The following MALT1 variants were observed in gnomAD, a reference collection of about 807,000 sequenced individuals.
MALT1 encodes the protein MALT1 paracaspase.
Under a neutral mutation model 85.5 loss-of-function variants are expected in MALT1, and 36 were observed. That is an observed-to-expected ratio of 0.42 (90% CI 0.32 to 0.56). The LOEUF (loss-of-function observed/expected upper bound fraction) is 0.56, where lower values mean the gene tolerates loss of function less well. Among genes scored for constraint, MALT1 ranks in the 20% least tolerant of loss-of-function variants. The pLI is 0.10. For synonymous variants in MALT1, 359 were observed against 361.3 expected (o/e 0.99, Z 0.07); for missense variants, 716 against 981.6 (o/e 0.73, Z 3.62).
intron 11 of MALT1, 84 bp downstream of exon 11, chr18:58,733,658 G>A: frequency 9.0e-7 from 1 of 1,113,964 alleles, no homozygotes; most frequent in Non-Finnish European, 1.3e-6. Flanking sequence ...AATGCTAAAA[G>A]CCATTTGCGT....
At chr18:58,739,896 A>G (rs62093489) in intron 13 of MALT1, among the ~76,000 whole-genome samples, 15,555 of 152,278 alleles carry the variant, frequency 0.1, 1,049 homozygotes, top group Admixed American at 0.16. Context: ...ATACAGAAGA[A>G]GTACACCCTG....
At chr18:58,735,926 C>T (rs2055215700) in intron 13 of MALT1, among the ~76,000 whole-genome samples, 1 of 152,102 alleles carries the variant, frequency 6.6e-6, no homozygotes, top group African/African-American at 2.4e-5. Flanking sequence ...AGATGCTGAA[C>T]AAGTACCTAT....
rs549165582 is a variant in MALT1, at chr18:58,723,266, A to C, written c.1222+15A>C. On this transcript the variant is annotated intron_variant, in intron 10 of 16. Transcript: ENST00000649217. ...GGGAGTATATGGTAAGATATTTATAATGTTTGTTTTTACAATTATCCATTA... is the reference window on the plus strand; with the variant it reads ...GGGAGTATATGGTAAGATATTTATACTGTTTGTTTTTACAATTATCCATTA... 7 of 1,574,768 alleles carry C rather than the reference A, an allele frequency of 4.4e-6. No individual in the cohort carries two copies. The African/African-American group carries it at 9.4e-5, about 21-fold the overall frequency.
intron 8 of MALT1, among the ~76,000 whole-genome samples, chr18:58,714,706 C>T (rs1643590148): frequency 6.6e-6 from 1 of 152,084 alleles, no homozygotes; most frequent in South Asian, 2.1e-4. Flanking sequence ...TAAGCCTTCA[C>T]CTGAGATAAA....
chr18:58,731,783 TGAA>T (rs2144454253), intron 10 of MALT1, among the ~76,000 whole-genome samples: 1 of 152,314 alleles, frequency 6.6e-6, no homozygotes, highest in African/African-American at 2.4e-5. Context: ...GTGAATCGTG[TGAA>T]TTCATGTATG....
chr18:58,729,785 C>T (rs1283223867), intron 10 of MALT1, among the ~76,000 whole-genome samples: 1 of 152,212 alleles, frequency 6.6e-6, no homozygotes, highest in African/African-American at 2.4e-5. Flanking sequence ...CAGATAAGAG[C>T]TACTCAGAGT....
chr18:58,671,627 G>C lies in MALT1; in HGVS notation c.-17G>C, dbSNP rs2054161549. On this transcript the variant is annotated 5_prime_UTR_variant, in exon 1 of 17. Transcript: ENST00000649217. ...GCGGGCGGGAGCCCCGGCAGTCCGG[G>C]GTCGCCGGCGAGGGCCATGTCGCTG... The C allele has an allele frequency of 2.5e-6, 3 of 1,212,030 alleles. No homozygotes were observed. Among genetic ancestry groups the C allele is most frequent in the African/African-American group, 3.1e-5 (2 of 63,512 alleles). The allele number at this position is 1,212,030 out of a possible 1,614,324, so 75.1% of individuals were successfully genotyped here.
chr18:58,710,482 T>G (rs1338762081), intron 6 of MALT1, among the ~76,000 whole-genome samples: 1 of 152,098 alleles, frequency 6.6e-6, no homozygotes, highest in Non-Finnish European at 1.5e-5. Context: ...CCCAGGAGTT[T>G]GAGACCAGCC....
intron 4 of MALT1, among the ~76,000 whole-genome samples, chr18:58,704,342 T>C (rs887150987): frequency 1.5e-4 from 23 of 152,272 alleles, no homozygotes; most frequent in African/African-American, 5.5e-4. Context: ...ACATTGGTTG[T>C]TAGCTCTTAT....
intron 3 of MALT1, among the ~76,000 whole-genome samples, chr18:58,696,823 A>C (rs2054597503): frequency 6.6e-6 from 1 of 152,186 alleles, no homozygotes; most frequent in Admixed American, 6.5e-5. Flanking sequence ...TCCAACCAAA[A>C]TCTTTAAAAG....
chr18:58,696,523 G>A, intron 3 of MALT1, 36 bp downstream of exon 3: 1 of 1,453,358 alleles, frequency 6.9e-7, no homozygotes, highest in Non-Finnish European at 9.4e-7. Flanking sequence ...TTCTTCCAAG[G>A]AGAGAGAATG....
rs182700381 is a variant in MALT1, at chr18:58,748,896, A to G, written c.*1054A>G. Reference sequence around the variant, plus strand: ...TGCACACTGTTTCTAAAAGTAGGAGAGGAAAGAACACTTCCCAACTTACTC... The same window carrying G: ...TGCACACTGTTTCTAAAAGTAGGAGGGGAAAGAACACTTCCCAACTTACTC... On this transcript the variant is annotated 3_prime_UTR_variant, in exon 17 of 17. Coordinates refer to ENST00000649217, the MANE Select transcript of MALT1 (RefSeq NM_006785.4). 2.7e-4 allele frequency: 56 copies of G among 208,496 alleles called. No individual in the cohort carries two copies. Among genetic ancestry groups the G allele is most frequent in the African/African-American group, 9.1e-4 (40 of 44,062 alleles). The allele number at this position is 208,496 out of a possible 1,614,324, so 12.9% of individuals were successfully genotyped here.
chr18:58,725,596 C>T (rs922281006), intron 10 of MALT1, among the ~76,000 whole-genome samples: 10 of 152,146 alleles, frequency 6.6e-5, no homozygotes, highest in African/African-American at 2.4e-4. Context: ...CAAAACTTCA[C>T]TAGAAGTGAT....
intron 13 of MALT1, among the ~76,000 whole-genome samples, chr18:58,738,516 A>G (rs915433688): frequency 6.6e-6 from 1 of 152,128 alleles, no homozygotes; most frequent in Admixed American, 6.6e-5. Flanking sequence ...ACAACTTGGA[A>G]TTGCTGGGTC....
chr18:58,709,309 C>G, intron 4 of MALT1, 69 bp from the exon 5 acceptor site: 1 of 1,059,128 alleles, frequency 9.4e-7, no homozygotes, highest in Non-Finnish European at 1.3e-6. Flanking sequence ...CTTGACACAT[C>G]TCTTTAATTA....
In MALT1 at chr18:58,748,075, T is replaced by C; in HGVS notation, c.*233T>C. On this transcript the variant is annotated 3_prime_UTR_variant, in exon 17 of 17. Transcript: ENST00000649217. ...TGAATAGTTCTATACAAATGAAGTA[T>C]GGAGGTGTGTATGTTTATATGTATA... 2.0e-6 allele frequency: 1 copy of C among 510,738 alleles called. No individual in the cohort carries two copies. Among genetic ancestry groups the C allele is most frequent in the Non-Finnish European group, 3.5e-6 (1 of 283,908 alleles). The allele number at this position is 510,738 out of a possible 1,614,324, so 31.6% of individuals were successfully genotyped here. A position where few individuals can be genotyped will look rare whatever the true frequency, so the allele number is the denominator to read the frequency against.
At position 58,681,206 on chromosome 18, in the gene MALT1, G is replaced by A. The variant is rs2054318274; in HGVS notation, c.246G>A (p.Leu82=). 6.2e-7 allele frequency: 1 copy of A among 1,614,170 alleles called. No homozygotes were observed. The highest frequency in any genetic ancestry group is 8.5e-7 in the Non-Finnish European group (1 of 1,180,020). ...LDLEQCSLKV[L]EPEGSPSLCL... is the part of the protein sequence containing the mutation. ...TGGAGCAGTGTTCTCTTAAGGTACT[G>A]GAGCCTGAAGGAAGCCCCAGCCTGT... The change falls in exon 2 of 17, where the codon CTG becomes CTA. Residue 82 remains leucine (L), a synonymous_variant. Transcript: ENST00000649217.
intron 1 of MALT1, among the ~76,000 whole-genome samples, chr18:58,674,956 C>T (rs574553181): frequency 5.7e-4 from 87 of 152,296 alleles, no homozygotes; most frequent in African/African-American, 2.0e-3. Context: ...AGAGCCCGTT[C>T]AAACTGTCTA....
At chr18:58,742,594 A>G (rs1568156183) in intron 14 of MALT1, among the ~76,000 whole-genome samples, 1 of 152,066 alleles carries the variant, frequency 6.6e-6, no homozygotes, top group Non-Finnish European at 1.5e-5. Flanking sequence ...TGTAATCCCA[A>G]CTACTAGGGT....
Sources: gnomAD v4.1 joint callset for allele counts (sites outside exome capture counted in the v4.1 genomes callset) on GRCh38, gnomAD v4.1.1 for gene constraint, MANE v1.5 for transcripts, NCBI Gene and HGNC (gene_info 2026-07-23, HGNC 2026-07-21) for gene names.